Variants in HK1 observed in about 807,000 individuals in gnomAD.
The protein encoded by HK1 is hexokinase 1, also known as hexokinase-1.
A neutral mutation model predicts 91.6 loss-of-function variants in HK1; 28 were observed. The observed-to-expected ratio is 0.31, with a 90% CI of 0.23 to 0.42. HK1 has a LOEUF of 0.42. Ranked by LOEUF, HK1 falls within the 10% of genes least tolerant of loss-of-function variation. The pLI, the probability that HK1 is intolerant of heterozygous loss-of-function variation, is 1.00. For missense variants in HK1, 770 were observed against 1,219.8 expected, an observed-to-expected ratio of 0.63 and a Z score of 5.49; for synonymous variants, 430 against 468.1, an observed-to-expected ratio of 0.92 and a Z score of 1.05.
chr10:69,370,031 C>A (rs1021695328), intron 7 of HK1, among the ~76,000 whole-genome samples: 1 of 152,230 alleles, frequency 6.6e-6, no homozygotes, highest in Admixed American at 6.5e-5. Context: ...AGCCACCTAG[C>A]GCGGCCTAAA....
At chr10:69,360,760 G>A (rs1849378333) in intron 3 of HK1, among the ~76,000 whole-genome samples, 1 of 152,132 alleles carries the variant, frequency 6.6e-6, no homozygotes, top group Non-Finnish European at 1.5e-5. Flanking sequence ...GCTCACTGAG[G>A]ACCCTGTGAT....
chr10:69,387,602 T>G (rs1839701182), intron 13 of HK1, among the ~76,000 whole-genome samples: 2 of 152,144 alleles, frequency 1.3e-5, no homozygotes, highest in Non-Finnish European at 2.9e-5. Flanking sequence ...CATGCTGGTC[T>G]TGAACTCCTG....
chr10:69,292,209 TAGA>T (rs1845325128), intron 3 of HK1: 1 of 308,592 alleles, frequency 3.2e-6, no homozygotes, highest in Admixed American at 4.1e-5. Context: ...TAGCTGGGAC[TAGA>T]GGCGTGTGCC....
intron 1 of HK1, among the ~76,000 whole-genome samples, chr10:69,326,064 G>A (rs1043309405): frequency 6.6e-6 from 1 of 150,694 alleles, no homozygotes; most frequent in Admixed American, 6.6e-5. Flanking sequence ...TTGAATTCCT[G>A]ACCTCGTGAT....
chr10:69,314,188 C>T (rs1846524252), upstream of HK1, among the ~76,000 whole-genome samples: 1 of 152,194 alleles, frequency 6.6e-6, no homozygotes, highest in African/African-American at 2.4e-5. Flanking sequence ...GATTATGGGT[C>T]AATTCATTTT....
At chr10:69,392,948 T>C (rs1286119457) in intron 15 of HK1, among the ~76,000 whole-genome samples, 1 of 152,242 alleles carries the variant, frequency 6.6e-6, no homozygotes, top group East Asian at 1.9e-4. Context: ...TGTTATTTAC[T>C]TAGTGCTTTT....
At chr10:69,281,880 GCTCT>G (rs1483796670) in intron 1 of HK1, among the ~76,000 whole-genome samples, 2 of 152,178 alleles carry the variant, frequency 1.3e-5, no homozygotes, top group Non-Finnish European at 2.9e-5. Context: ...GTCTAGCCCA[GCTCT>G]CTCTGGTGCC....
At chr10:69,270,791 A>C (rs924427459) in intron 1 of HK1, among the ~76,000 whole-genome samples, 1 of 152,110 alleles carries the variant, frequency 6.6e-6, no homozygotes. Context: ...TTCTCCCATT[A>C]GCTGGAATGG....
chr10:69,399,565 A>T (rs1840294433), intron 17 of HK1, among the ~76,000 whole-genome samples: 1 of 152,108 alleles, frequency 6.6e-6, no homozygotes, highest in African/African-American at 2.4e-5. Context: ...CTGCTGAATC[A>T]GTTTGCTAAG....
At chr10:69,372,625 G>A (rs1850069792) in intron 7 of HK1, among the ~76,000 whole-genome samples, 2 of 152,162 alleles carry the variant, frequency 1.3e-5, no homozygotes, top group Admixed American at 1.3e-4. Flanking sequence ...TTTTTGCCCT[G>A]TTTGAAGGTT....
intron 1 of HK1, among the ~76,000 whole-genome samples, chr10:69,321,643 C>T (rs2015803): frequency 0.34 from 51,072 of 152,072 alleles, 9,499 homozygotes; most frequent in East Asian, 0.72. Context: ...GGGACCATGC[C>T]GGGGAAGTTT....
At chr10:69,347,186 T>A (rs1056559110) in intron 2 of HK1, among the ~76,000 whole-genome samples, 1 of 152,060 alleles carries the variant, frequency 6.6e-6, no homozygotes, top group Admixed American at 6.6e-5. Context: ...AATTTTTGTA[T>A]TTTTAGTAGA....
At chr10:69,294,694 A>G (rs563469214) in intron 3 of HK1, among the ~76,000 whole-genome samples, 1 of 27,918 alleles carries the variant, frequency 3.6e-5, no homozygotes, top group East Asian at 3.0e-4. Flanking sequence ...CATCTCTACT[A>G]AAAATACAAA....
rs1469340733 is a variant in HK1, at chr10:69,350,851, G to A, written c.226+6862G>A. ...TTGTTTATCAGACTGAGCTTTCACT[G>A]TCTTCATTAGAGAATGAAGCAAAAT... On this transcript the variant is annotated intron_variant, in intron 2 of 17. Coordinates refer to ENST00000359426, the MANE Select transcript of HK1 (RefSeq NM_000188.3). Among the ~76,000 whole-genome samples the A allele has an allele frequency of 2.0e-5, 3 of 152,146 alleles. No individual in the cohort carries two copies. The East Asian group carries it at 5.8e-4, about 29-fold the overall frequency.
intron 3 of HK1, chr10:69,292,410 G>A (rs531312238): frequency 3.5e-5 from 15 of 431,112 alleles, no homozygotes; most frequent in Middle Eastern, 3.3e-4. Flanking sequence ...AAGAAGTGCT[G>A]GAAAGATCAT....
At position 69,395,224 on chromosome 10, in the gene HK1, T is replaced by G. The variant is rs58622678; in HGVS notation, c.2375+119T>G. On this transcript the variant is annotated intron_variant, in intron 16 of 17. Transcript: ENST00000359426. ...TTTTGGCCATTTTTGAGGATTTTTT[T>G]TCCTCTGGAATAGCAGACCCTGGGC... 11,374 of 885,172 alleles carry G rather than the reference T, an allele frequency of 0.013. 876 individuals are homozygous for G. The African/African-American group carries it at 0.16, about 13-fold the overall frequency. 54.8% of individuals were successfully genotyped at this position (885,172 alleles called of 1,614,324 possible). A position where few individuals can be genotyped will look rare whatever the true frequency, so the allele number is the denominator to read the frequency against.
Position 69,301,768 on chromosome 10 carries a change from G to A in HK1, c.27+907G>A, listed in dbSNP as rs540818799. On this transcript the variant is annotated intron_variant, in intron 5 of 21. Coordinates refer to the HK1 transcript ENST00000360289. ...TGTTCATGGATTGGAAGACACTATT[G>A]TTAAGGTGGTAAACTCCCCAAATTA... Among the ~76,000 whole-genome samples, 29 of 152,238 alleles carry A rather than the reference G, an allele frequency of 1.9e-4. No individual in the cohort carries two copies. The South Asian group carries it at 5.4e-3, about 28-fold the overall frequency.
chr10:69,302,755 CAAAA>C (rs58435739), intron 5 of HK1, among the ~76,000 whole-genome samples: 65 of 127,468 alleles, frequency 5.1e-4, no homozygotes, highest in Non-Finnish European at 6.0e-4. Context: ...GACCCTGTCT[CAAAA>C]AAAAAAAAAA....
chr10:69,285,471 C>T (rs748174734), intron 2 of HK1, among the ~76,000 whole-genome samples: 1 of 152,150 alleles, frequency 6.6e-6, no homozygotes, highest in East Asian at 1.9e-4. Flanking sequence ...AGAAAGGAAT[C>T]CAGCTATTAG....
Sources: allele counts gnomAD v4.1 joint callset (sites outside exome capture counted in the v4.1 genomes callset), GRCh38; gene constraint gnomAD v4.1.1; transcripts MANE v1.5; gene names NCBI Gene and HGNC (gene_info 2026-07-23, HGNC 2026-07-21).